TTC13: variants seen among roughly 807,000 people sequenced by gnomAD.
The protein encoded by TTC13 is tetratricopeptide repeat domain 13, also known as tetratricopeptide repeat protein 13.
Under a neutral mutation model 120.0 loss-of-function variants are expected in TTC13, and 62 were observed. The observed-to-expected ratio is 0.52, with a 90% confidence interval of 0.42 to 0.64. The LOEUF (loss-of-function observed/expected upper bound fraction) is 0.64, where lower values mean the gene tolerates loss of function less well. Ranked by LOEUF, TTC13 falls within the 30% of genes least tolerant of loss-of-function variation. The pLI is 0.00. For missense variants in TTC13, 824 were observed against 1,050.2 expected, an observed-to-expected ratio of 0.78 and a Z score of 2.98; for synonymous variants, 384 against 393.5, an observed-to-expected ratio of 0.98 and a Z score of 0.28.
In TTC13 at chr1:230,940,382, C is replaced by G; in HGVS notation, c.789+58G>C. 1 of 1,155,540 alleles carries G rather than the reference C, an allele frequency of 8.7e-7. No individual in the cohort carries two copies. Among genetic ancestry groups the G allele is most frequent in the African/African-American group, 1.5e-5 (1 of 65,290 alleles). 71.6% of individuals were successfully genotyped at this position (1,155,540 alleles called of 1,614,324 possible). A position where few individuals can be genotyped will look rare whatever the true frequency, so the allele number is the denominator to read the frequency against. ...CTATCAAAGAGTCACTTTCTGAGGT[C>G]AAGGGAAAAATGAAATCTTCATCAT... is the stretch of plus-strand genomic sequence containing the variant. On this transcript the variant is annotated intron_variant, in intron 7 of 22. Transcript: ENST00000366661. The surrounding 1 kb of genome is among the most constrained non-coding windows in gnomAD (Gnocchi z 4.1).
At chr1:230,966,929 T>C (rs1167854219) in intron 1 of TTC13, among the ~76,000 whole-genome samples, 1 of 152,064 alleles carries the variant, frequency 6.6e-6, no homozygotes, top group Non-Finnish European at 1.5e-5. Context: ...AATAAGTGAA[T>C]GGGGACCTGA....
intron 9 of TTC13, among the ~76,000 whole-genome samples, chr1:230,932,266 T>G (rs543129511): frequency 4.6e-5 from 7 of 151,926 alleles, no homozygotes; most frequent in Non-Finnish European, 1.0e-4. Context: ...AGTTCATCAT[T>G]CTCAATCAAA....
Position 230,944,212 on chromosome 1 carries a change from T to G in TTC13, c.580-314A>C, listed in dbSNP as rs1674776245. The stretch of plus-strand genomic sequence containing the variant: ...GAATCAACGAATCTCAATGGATGAG[T>G]ATGTGGATACCAGCACATGAAATGA... On this transcript the variant is annotated intron_variant, in intron 5 of 22. Coordinates refer to ENST00000366661, the MANE Select transcript of TTC13 (RefSeq NM_024525.5). The surrounding 1 kb of genome is among the most constrained non-coding windows in gnomAD (Gnocchi z 4.0). Among the ~76,000 whole-genome samples the G allele has an allele frequency of 6.6e-6, 1 of 152,124 alleles. No individual in the cohort carries two copies. The highest frequency in any genetic ancestry group is 1.5e-5 in the Non-Finnish European group (1 of 68,016).
chr1:230,960,883 C>G (rs2102965099), intron 2 of TTC13, among the ~76,000 whole-genome samples: 1 of 152,262 alleles, frequency 6.6e-6, no homozygotes, highest in East Asian at 1.9e-4. Flanking sequence ...AACATAGATA[C>G]AAAAGATACC....
At position 230,914,506 on chromosome 1, in the gene TTC13, T is replaced by C. The variant is rs1671829658; in HGVS notation, c.2093+1687A>G. The stretch of plus-strand genomic sequence containing the variant: ...CCGTCATGGGTTCAAGCGATTCTCC[T>C]GCCTCAGCCTCCAGAGTAGCTGGAA... On this transcript the variant is annotated intron_variant, in intron 18 of 22. Transcript: ENST00000366661. 8.5e-5 allele frequency among the ~76,000 whole-genome samples: 13 copies of C among 152,248 alleles called. No individual in the cohort carries two copies. The South Asian group carries it at 2.1e-3, about 24-fold the overall frequency.
At position 230,906,897 on chromosome 1, in the gene TTC13, C is replaced by T. The variant is rs150852946; in HGVS notation, c.*8G>A. ...CGGCCCTTTACTTGTATAAATACAG[C>T]AGCAGAACTAGAGTTTCTTAAGACA... is the stretch of plus-strand genomic sequence containing the variant. On this transcript the variant is annotated 3_prime_UTR_variant, in exon 23 of 23. Coordinates refer to ENST00000366661, the MANE Select transcript of TTC13 (RefSeq NM_024525.5). 2.7e-5 allele frequency: 37 copies of T among 1,394,030 alleles called. No homozygotes were observed. In the African/African-American group the frequency reaches 4.4e-4, roughly 16 times the overall value. The allele number at this position is 1,394,030 out of a possible 1,614,324, so 86.4% of individuals were successfully genotyped here. A position where few individuals can be genotyped will look rare whatever the true frequency, so the allele number is the denominator to read the frequency against.
In TTC13 at chr1:230,914,315, C is replaced by T. The variant is rs142050790; in HGVS notation, c.2094-1557G>A. Among the ~76,000 whole-genome samples, 992 of 152,210 alleles carry T rather than the reference C, an allele frequency of 6.5e-3. 7 individuals are homozygous for T. Among genetic ancestry groups the T allele is most frequent in the Non-Finnish European group, 8.2e-3 (561 of 68,014 alleles). The stretch of plus-strand genomic sequence containing the variant: ...GTATCCTCCTCCTCAGCCTACTCAA[C>T]GTGAAGATAGTAAGGATAAAGACCT... On this transcript the variant is annotated intron_variant, in intron 18 of 22. Coordinates refer to ENST00000366661, the MANE Select transcript of TTC13 (RefSeq NM_024525.5).
chr1:230,939,389 C>T lies in TTC13; in HGVS notation c.897G>A (p.Leu299=). ...CACATATGCACAACACTTTCACCTT[C>T]AGAAGTCCTCTGTGAAAGAAAGTTA... ...KGLTFFHRGL[L]KEAIESFKEA... Residue 299 remains leucine (L), a synonymous_variant, in exon 8 of 23, where the codon CTG becomes CTA. Coordinates refer to ENST00000366661, the MANE Select transcript of TTC13 (RefSeq NM_024525.5). 1.2e-6 allele frequency: 2 copies of T among 1,602,570 alleles called. No individual in the cohort carries two copies. The highest frequency in any genetic ancestry group is 1.1e-5 in the South Asian group (1 of 90,390).
chr1:230,971,966 C>T (rs1677797715), intron 1 of TTC13, among the ~76,000 whole-genome samples: 1 of 152,214 alleles, frequency 6.6e-6, no homozygotes, highest in Admixed American at 6.5e-5. Context: ...ATCAACTCCA[C>T]AGGGAATGCT....
At chr1:230,972,827 G>A (rs1012708061) in intron 1 of TTC13, among the ~76,000 whole-genome samples, 18 of 152,182 alleles carry the variant, frequency 1.2e-4, no homozygotes, top group African/African-American at 2.7e-4. Context: ...GGCTGCCATC[G>A]TCATAGGGCT....
chr1:230,953,498 T>C lies in TTC13; in HGVS notation c.513+835A>G, dbSNP rs114592901. On this transcript the variant is annotated intron_variant, in intron 4 of 22. Transcript: ENST00000366661. ...TATGTGCCAGGCACTGGGTACTAAG[T>C]ACTTTAATAGGACATTTCATTTAAA... 1.2e-4 allele frequency among the ~76,000 whole-genome samples: 19 copies of C among 152,320 alleles called. 1 individual carries two copies. The South Asian group carries it at 3.3e-3, about 27-fold the overall frequency.
chr1:230,931,471 C>T lies in TTC13; in HGVS notation c.1127G>A (p.Arg376Gln), dbSNP rs781261654. 62 of 1,613,698 alleles carry T rather than the reference C, an allele frequency of 3.8e-5. No individual in the cohort carries two copies. The highest frequency in any genetic ancestry group is 5.1e-5 in the Non-Finnish European group (60 of 1,179,958). Residue 376 changes from arginine (R) to glutamine (Q), a missense_variant and splice_region_variant, in exon 11 of 23, where the codon CGG (arginine) becomes CAG (glutamine). Arg to Gln is a conservative substitution (Grantham distance 43). This residue lies in a region of TTC13 where 430 missense variants were observed against 626.8 expected (regional missense o/e 0.69). Coordinates refer to ENST00000366661, the MANE Select transcript of TTC13 (RefSeq NM_024525.5). ...ATTATATGGCTCTAGCTGCAGACAC[C>T]GCTGAGGACAAAATGCTGCATTAGT... ...SLQEALKNFK[R>Q]CLQLEPYNEV...
Position 230,908,735 on chromosome 1 carries a change from G to A in TTC13, c.2445C>T (p.Ala815=). The A allele has an allele frequency of 1.2e-6, 2 of 1,613,492 alleles. No individual in the cohort carries two copies. The highest frequency in any genetic ancestry group is 1.7e-6 in the Non-Finnish European group (2 of 1,179,520). ...APGSEAFSKV[A]KSWMNLKSIS... is the part of the protein sequence containing the mutation. ...ACCTTTTCAAGTTCATCCAGCTTTT[G>A]GCGACTTTGCTAAAGGCCTCTGAAC... The change falls in exon 22 of 23, where the codon GCC becomes GCT. Residue 815 remains alanine (A), a synonymous_variant. Transcript: ENST00000366661.
chr1:230,908,097 G>A (rs990002766), intron 22 of TTC13, among the ~76,000 whole-genome samples: 8 of 152,264 alleles, frequency 5.3e-5, no homozygotes, highest in Admixed American at 5.2e-4. Flanking sequence ...TGAATACTGA[G>A]CCTAAGAGTA....
chr1:230,922,915 A>C (rs1672717499), intron 15 of TTC13, among the ~76,000 whole-genome samples: 1 of 152,244 alleles, frequency 6.6e-6, no homozygotes, highest in South Asian at 2.1e-4. Flanking sequence ...CCTTCGATTA[A>C]AGTTAGTTGC....
chr1:230,943,221 TTG>T (rs1433215623), intron 6 of TTC13, among the ~76,000 whole-genome samples: 1 of 152,150 alleles, frequency 6.6e-6, no homozygotes, highest in African/African-American at 2.4e-5. Flanking sequence ...TGTTTTTCTT[TTG>T]TGTTATATTT....
Position 230,914,231 on chromosome 1 carries a change from C to T in TTC13, c.2094-1473G>A, listed in dbSNP as rs1558165306. ...CATGGGTTCGAACTGCATGGATCCA[C>T]TTATACGAGGATTTTCTTCCACCTC... On this transcript the variant is annotated intron_variant, in intron 18 of 22. Coordinates refer to ENST00000366661, the MANE Select transcript of TTC13 (RefSeq NM_024525.5). Among the ~76,000 whole-genome samples, 5 of 152,106 alleles carry T rather than the reference C, an allele frequency of 3.3e-5. No individual in the cohort carries two copies. The South Asian group carries it at 1.0e-3, about 32-fold the overall frequency.
At chr1:230,909,061 T>G in intron 20 of TTC13, 41 bp from the exon 21 acceptor site, 2 of 1,535,232 alleles carry the variant, frequency 1.3e-6, no homozygotes, top group Non-Finnish European at 1.8e-6. Flanking sequence ...TCCTGGACGG[T>G]CTACAGTTAC....
intron 1 of TTC13, among the ~76,000 whole-genome samples, chr1:230,977,205 C>T (rs1326328464): frequency 1.3e-5 from 2 of 152,202 alleles, no homozygotes; most frequent in Admixed American, 6.5e-5. Context: ...ATACTAGGCT[C>T]ATAGACCTAA....
Sources: gnomAD v4.1 joint callset for allele counts (sites outside exome capture counted in the v4.1 genomes callset) on GRCh38, gnomAD v4.1.1 for gene constraint, gnomAD v4.1.1 regional missense constraint, Gnocchi (gnomAD v3.1) non-coding constraint, MANE v1.5 for transcripts, NCBI Gene and HGNC (gene_info 2026-07-23, HGNC 2026-07-21) for gene names.